STK32B: variants seen among roughly 807,000 people sequenced by gnomAD.
The protein encoded by STK32B is serine/threonine-protein kinase 32B.
Under a neutral mutation model 52.6 loss-of-function variants are expected in STK32B, and 43 were observed. The observed-to-expected ratio is 0.82, with a 90% CI of 0.64 to 1.05. STK32B has a LOEUF of 1.05. Among genes scored for constraint, STK32B ranks in the 50% least tolerant of loss-of-function variants. STK32B has a pLI of 0.00. For missense variants in STK32B, 621 were observed against 534.6 expected (o/e 1.16, Z -1.59); for synonymous variants, 238 against 204.3 (o/e 1.17, Z -1.41).
At chr4:5,113,762 T>C (rs1377134028) in intron 1 of STK32B, among the ~76,000 whole-genome samples, 2 of 152,154 alleles carry the variant, frequency 1.3e-5, no homozygotes, top group Non-Finnish European at 2.9e-5. Context: ...CTGATAAAGA[T>C]ATACCCAAGA....
intron 2 of STK32B, among the ~76,000 whole-genome samples, chr4:5,159,211 C>A (rs951722308): frequency 6.6e-6 from 1 of 152,154 alleles, no homozygotes; most frequent in Admixed American, 6.5e-5. Context: ...ATGGTGCAGT[C>A]TCTCTGTGTA....
At chr4:5,247,747 T>A (rs1412533099) in intron 3 of STK32B, among the ~76,000 whole-genome samples, 3 of 152,166 alleles carry the variant, frequency 2.0e-5, no homozygotes, top group African/African-American at 7.2e-5. Flanking sequence ...TAGGGAAGCC[T>A]TTTTTTCTTC....
In STK32B at chr4:5,399,785, C is replaced by T. The variant is rs990729829; in HGVS notation, c.472+1541C>T. On this transcript the variant is annotated intron_variant, in intron 5 of 11. Coordinates refer to ENST00000282908, the MANE Select transcript of STK32B (RefSeq NM_018401.3). This position sits in a 1 kb window ranked among gnomAD's most constrained non-coding sequence, Gnocchi z 5.4. ...TGAATGTCTCATCTCGGGTGAGACT[C>T]GAAGGTCAGCCACCCATCACAGTAT... Among the ~76,000 whole-genome samples, 4 of 152,028 alleles carry T rather than the reference C, an allele frequency of 2.6e-5. No individual in the cohort carries two copies. The highest frequency in any genetic ancestry group is 2.0e-4 in the Admixed American group (3 of 15,270).
intron 3 of STK32B, among the ~76,000 whole-genome samples, chr4:5,319,702 G>A (rs1295555140): frequency 6.6e-6 from 1 of 152,160 alleles, no homozygotes; most frequent in East Asian, 1.9e-4. Flanking sequence ...TCAGCTTCAA[G>A]GAAGAGAATA....
rs185619823 is a variant in STK32B, at chr4:5,088,830, C to A, written c.52+36915C>A. Among the ~76,000 whole-genome samples, 19 of 151,774 alleles carry A rather than the reference C, an allele frequency of 1.3e-4. No homozygotes were observed. In the East Asian group the frequency reaches 2.3e-3, roughly 19 times the overall value. On this transcript the variant is annotated intron_variant, in intron 1 of 11. Coordinates refer to ENST00000282908, the MANE Select transcript of STK32B (RefSeq NM_018401.3). ...AGGGAAATTTATAGTTGAATGTTTA[C>A]ATTAAAAAGACAAGGAAGATCTCAA... is the stretch of plus-strand genomic sequence containing the variant.
chr4:5,281,509 A>G (rs868782450), intron 3 of STK32B, among the ~76,000 whole-genome samples: 30 of 152,278 alleles, frequency 2.0e-4, no homozygotes, highest in Middle Eastern at 3.4e-3. Flanking sequence ...TAAACCCTAG[A>G]TTACAGGTTG....
intron 4 of STK32B, among the ~76,000 whole-genome samples, chr4:5,335,955 G>T (rs900432060): frequency 1.3e-5 from 2 of 151,310 alleles, no homozygotes; most frequent in Non-Finnish European, 2.9e-5. Flanking sequence ...AAGTAGTATT[G>T]AGAACGCAGA....
At chr4:5,491,430 A>T (rs1376718554) in intron 11 of STK32B, among the ~76,000 whole-genome samples, 1 of 151,916 alleles carries the variant, frequency 6.6e-6, no homozygotes, top group African/African-American at 2.4e-5. Flanking sequence ...GGGTTGTCTG[A>T]TTTTTTCTTG....
chr4:5,185,869 C>G (rs539248994), intron 3 of STK32B, among the ~76,000 whole-genome samples: 1 of 152,206 alleles, frequency 6.6e-6, no homozygotes, highest in Non-Finnish European at 1.5e-5. Flanking sequence ...GTCTCATCCC[C>G]TGACACCCAC....
At chr4:5,436,645 G>T in intron 6 of STK32B, 1 of 985,438 alleles carries the variant, frequency 1.0e-6, no homozygotes, top group Non-Finnish European at 1.2e-6. Flanking sequence ...TGTGAGCAAA[G>T]CTGAGGAAGG....
chr4:5,433,671 T>C (rs1380781172), intron 6 of STK32B, among the ~76,000 whole-genome samples: 3 of 152,164 alleles, frequency 2.0e-5, no homozygotes, highest in African/African-American at 7.2e-5. Flanking sequence ...CAAACACCTG[T>C]GGAAACAGAT....
At chr4:5,133,814 C>T (rs1715910962) in intron 1 of STK32B, among the ~76,000 whole-genome samples, 1 of 152,142 alleles carries the variant, frequency 6.6e-6, no homozygotes, top group Non-Finnish European at 1.5e-5. Flanking sequence ...CTGAGTTGCC[C>T]TTTTGCTACG....
chr4:5,143,282 G>C (rs1166499523), intron 2 of STK32B, among the ~76,000 whole-genome samples: 3 of 152,212 alleles, frequency 2.0e-5, no homozygotes, highest in African/African-American at 7.2e-5. Flanking sequence ...AAAGAGAAAA[G>C]AGTTCACATG....
At chr4:5,448,991 A>G (rs370992573) in intron 7 of STK32B, among the ~76,000 whole-genome samples, 5 of 152,308 alleles carry the variant, frequency 3.3e-5, no homozygotes, top group East Asian at 1.9e-4. Flanking sequence ...AGTGATGTCA[A>G]TGACAACATC....
intron 3 of STK32B, among the ~76,000 whole-genome samples, chr4:5,311,917 T>A (rs867218627): frequency 0.019 from 2,899 of 150,134 alleles, 46 homozygotes; most frequent in Middle Eastern, 0.043. Context: ...TATATATATT[T>A]TTTTTTAAAG....
chr4:5,493,335 C>G (rs1324233229), intron 11 of STK32B, among the ~76,000 whole-genome samples: 2 of 152,150 alleles, frequency 1.3e-5, no homozygotes, highest in Non-Finnish European at 2.9e-5. Flanking sequence ...GGAATTCATC[C>G]ATTTCTTCTA....
the STK32B span, among the ~76,000 whole-genome samples, chr4:5,027,763 G>A: frequency 6.6e-6 from 1 of 152,172 alleles, no homozygotes. Flanking sequence ...TCTACCTGGT[G>A]TTGAAAGATG....
At chr4:5,135,228 T>C (rs1716004015) in intron 1 of STK32B, among the ~76,000 whole-genome samples, 1 of 152,240 alleles carries the variant, frequency 6.6e-6, no homozygotes, top group Non-Finnish European at 1.5e-5. Context: ...TTAATTAAGA[T>C]ACCATGTACA....
chr4:5,289,781 G>A (rs1728776158), intron 3 of STK32B, among the ~76,000 whole-genome samples: 1 of 140,660 alleles, frequency 7.1e-6, no homozygotes, highest in Admixed American at 7.7e-5. Context: ...TTGACCTTGT[G>A]ATCCGCCTGC....
Sources: allele counts gnomAD v4.1 joint callset (sites outside exome capture counted in the v4.1 genomes callset), GRCh38; gene constraint gnomAD v4.1.1; non-coding constraint Gnocchi (gnomAD v3.1); transcripts MANE v1.5; gene names NCBI Gene and HGNC (gene_info 2026-07-23, HGNC 2026-07-21).